Variants in PDE11A observed in about 807,000 individuals in gnomAD.
The protein encoded by PDE11A is dual 3',5'-cyclic-AMP and -GMP phosphodiesterase 11A.
A neutral mutation model predicts 100.5 loss-of-function variants in PDE11A; 100 were observed. The observed-to-expected ratio is 1.00, with a 90% CI of 0.85 to 1.18. The LOEUF (loss-of-function observed/expected upper bound fraction) is 1.18. PDE11A is among the 50% of genes most tolerant of loss of function. The pLI is 0.00. For missense variants in PDE11A, 1,141 were observed against 1,152.6 expected (o/e 0.99, Z 0.15); for synonymous variants, 381 against 420.8 (o/e 0.91, Z 1.16).
intron 2 of PDE11A, among the ~76,000 whole-genome samples, chr2:177,916,042 C>A (rs1017891047): frequency 6.6e-6 from 1 of 152,176 alleles, no homozygotes; most frequent in Admixed American, 6.5e-5. Flanking sequence ...TTATTTTCTG[C>A]AGCCTTTAAC....
intron 1 of PDE11A, among the ~76,000 whole-genome samples, chr2:178,047,345 C>T (rs757345785): frequency 6.6e-6 from 1 of 152,100 alleles, no homozygotes; most frequent in Non-Finnish European, 1.5e-5. Context: ...TACCTGTAAT[C>T]CCAGTTACTT....
chr2:177,709,925 CAG>C (rs748289890), intron 13 of PDE11A, among the ~76,000 whole-genome samples: 4 of 151,864 alleles, frequency 2.6e-5, no homozygotes, highest in Non-Finnish European at 4.4e-5. Flanking sequence ...TGTGGGAGGA[CAG>C]GGGTTGGGAG....
chr2:177,824,743 C>T (rs1270088198), intron 6 of PDE11A, among the ~76,000 whole-genome samples: 22 of 152,106 alleles, frequency 1.4e-4, no homozygotes, highest in Admixed American at 1.4e-3. Context: ...TTAAGTAAAT[C>T]ATAGCACATT....
Position 177,852,161 on chromosome 2 carries a change from G to C in PDE11A, c.1368-11778C>G, listed in dbSNP as rs115855669. On this transcript the variant is annotated intron_variant, in intron 5 of 19. Transcript: ENST00000286063. ...ACACACTACCCTTGATGCACTAGTGGTCATTAATGAAGAGTGTGACCATTA... is the reference window on the plus strand; with the variant it reads ...ACACACTACCCTTGATGCACTAGTGCTCATTAATGAAGAGTGTGACCATTA... 7.2e-3 allele frequency among the ~76,000 whole-genome samples: 1,100 copies of C among 152,196 alleles called. 13 individuals are homozygous for C. Among genetic ancestry groups the C allele is most frequent in the African/African-American group, 0.025 (1,024 of 41,512 alleles).
At chr2:178,034,515 C>T (rs1396835686) in intron 1 of PDE11A, among the ~76,000 whole-genome samples, 2 of 152,104 alleles carry the variant, frequency 1.3e-5, no homozygotes, top group Non-Finnish European at 2.9e-5. Context: ...CGGCTATGGA[C>T]CAAGTGGACC....
chr2:177,902,825 T>G (rs894150858), intron 3 of PDE11A, among the ~76,000 whole-genome samples: 6 of 152,202 alleles, frequency 3.9e-5, no homozygotes, highest in African/African-American at 1.4e-4. Context: ...ACCACTGATT[T>G]TGGAGGAAAT....
At chr2:177,759,201 A>ACACG (rs1553471815) in intron 10 of PDE11A, among the ~76,000 whole-genome samples, 90 of 149,638 alleles carry the variant, frequency 6.0e-4, no homozygotes, top group Middle Eastern at 3.5e-3. Context: ...ACACACACAC[A>ACACG]CGCACACACA....
chr2:177,692,991 A>C (rs2081062544), intron 15 of PDE11A, among the ~76,000 whole-genome samples: 1 of 152,162 alleles, frequency 6.6e-6, no homozygotes, highest in Non-Finnish European at 1.5e-5. Flanking sequence ...CCTTTCCTAG[A>C]GTGACTTTCT....
At chr2:178,034,864 C>T (rs1037348133) in intron 1 of PDE11A, among the ~76,000 whole-genome samples, 1 of 152,140 alleles carries the variant, frequency 6.6e-6, no homozygotes, top group African/African-American at 2.4e-5. Flanking sequence ...CTCTGGGACA[C>T]ATTTAAAGCA....
intron 2 of PDE11A, among the ~76,000 whole-genome samples, chr2:178,088,507 C>G (rs2087385441): frequency 6.6e-6 from 1 of 152,192 alleles, no homozygotes; most frequent in South Asian, 2.1e-4. Flanking sequence ...TAACAATGTT[C>G]CACTGCTTTC....
intron 5 of PDE11A, among the ~76,000 whole-genome samples, chr2:177,868,659 C>T (rs974148897): frequency 1.3e-5 from 2 of 152,082 alleles, no homozygotes; most frequent in Non-Finnish European, 1.5e-5. Flanking sequence ...ATCCTCTAAG[C>T]CATCAGGATA....
At chr2:177,795,029 C>T (rs1337505328) in intron 9 of PDE11A, among the ~76,000 whole-genome samples, 1 of 152,180 alleles carries the variant, frequency 6.6e-6, no homozygotes, top group Non-Finnish European at 1.5e-5. Flanking sequence ...TCATGATCCA[C>T]CTGCCTCGGC....
intron 4 of PDE11A, among the ~76,000 whole-genome samples, chr2:177,879,280 A>C (rs1458796246): frequency 1.3e-5 from 2 of 152,244 alleles, no homozygotes; most frequent in South Asian, 2.1e-4. Context: ...CTAATCTAGC[A>C]ATCTTATGCT....
intron 2 of PDE11A, among the ~76,000 whole-genome samples, chr2:177,942,346 C>G (rs141026848): frequency 2.0e-5 from 3 of 152,056 alleles, no homozygotes; most frequent in Non-Finnish European, 4.4e-5. Context: ...TAACAAGTGC[C>G]CAGCAAATGT....
intron 6 of PDE11A, among the ~76,000 whole-genome samples, chr2:177,827,348 A>T (rs1355202802): frequency 2.0e-5 from 3 of 152,194 alleles, no homozygotes; most frequent in African/African-American, 7.2e-5. Flanking sequence ...GTACTGATGG[A>T]TTTCCCACGT....
At chr2:177,930,554 T>C (rs1343985304) in intron 2 of PDE11A, among the ~76,000 whole-genome samples, 4 of 152,212 alleles carry the variant, frequency 2.6e-5, no homozygotes, top group African/African-American at 9.6e-5. Flanking sequence ...CAGAGAATAC[T>C]GAATAGTATA....
intron 10 of PDE11A, among the ~76,000 whole-genome samples, chr2:177,732,355 T>C (rs1377799792): frequency 1.3e-5 from 2 of 152,218 alleles, no homozygotes; most frequent in Non-Finnish European, 2.9e-5. Context: ...TTGTTCCAAT[T>C]CAAAATCAAA....
chr2:178,007,861 C>T (rs886523217), intron 2 of PDE11A, among the ~76,000 whole-genome samples: 1 of 152,080 alleles, frequency 6.6e-6, no homozygotes, highest in Admixed American at 6.5e-5. Context: ...TGTGCCACCA[C>T]AACTGGCTAA....
At chr2:178,051,118 T>G (rs541005406) in intron 1 of PDE11A, among the ~76,000 whole-genome samples, 1 of 152,314 alleles carries the variant, frequency 6.6e-6, no homozygotes, top group East Asian at 1.9e-4. Context: ...AAGGTCATGT[T>G]ACCCACAAAG....
Sources: gnomAD v4.1 joint callset for allele counts (sites outside exome capture counted in the v4.1 genomes callset) on GRCh38, gnomAD v4.1.1 for gene constraint, MANE v1.5 for transcripts, NCBI Gene and HGNC (gene_info 2026-07-23, HGNC 2026-07-21) for gene names.